The following RGS20 variants were observed in gnomAD, a reference collection of about 807,000 sequenced individuals.
RGS20 encodes regulator of G protein signaling 20.
In RGS20, 30 loss-of-function variants were observed where a neutral mutation model predicts 33.6. The ratio of observed to expected loss-of-function variants is 0.89; its 90% CI spans 0.67 to 1.21. The LOEUF (loss-of-function observed/expected upper bound fraction) is 1.21. Ranked by LOEUF, RGS20 falls within the 50% of genes most tolerant of loss-of-function variation. The pLI, the probability that RGS20 is intolerant of heterozygous loss-of-function variation, is 0.00. For synonymous variants in RGS20, 208 were observed against 197.9 expected, an observed-to-expected ratio of 1.05 and a Z score of -0.43; for missense variants, 472 against 502.4, an observed-to-expected ratio of 0.94 and a Z score of 0.58.
intron 2 of RGS20, among the ~76,000 whole-genome samples, chr8:53,926,436 C>T (rs1813798395): frequency 6.6e-6 from 1 of 152,100 alleles, no homozygotes; most frequent in Non-Finnish European, 1.5e-5. Context: ...CTTTCTGGAA[C>T]AGGAACTTGA....
chr8:53,907,202 A>G (rs1289025440), intron 2 of RGS20, among the ~76,000 whole-genome samples: 1 of 152,180 alleles, frequency 6.6e-6, no homozygotes, highest in Non-Finnish European at 1.5e-5. Flanking sequence ...ATAACAAAGC[A>G]TGCAGATTCC....
Position 53,877,935 on chromosome 8 carries a change from G to A in RGS20, c.166-1323G>A, listed in dbSNP as rs1004303982. Among the ~76,000 whole-genome samples, 3 of 152,192 alleles carry A rather than the reference G, an allele frequency of 2.0e-5. No homozygotes were observed. Among genetic ancestry groups the A allele is most frequent in the Admixed American group, 2.0e-4 (3 of 15,286 alleles). On this transcript the variant is annotated intron_variant, in intron 1 of 5. Coordinates refer to ENST00000297313, the MANE Select transcript of RGS20 (RefSeq NM_170587.4). This position sits in a 1 kb window ranked among gnomAD's most constrained non-coding sequence, Gnocchi z 5.7. ...GCCGAAAGAATACAGGCCGGGCCTG[G>A]TGACTGCGGAGTGAGGGAACCGCGC...
At chr8:53,947,019 T>C (rs1316748227) in intron 4 of RGS20, among the ~76,000 whole-genome samples, 1 of 148,844 alleles carries the variant, frequency 6.7e-6, no homozygotes, top group African/African-American at 2.4e-5. Flanking sequence ...TATGTTATTT[T>C]ATTTTTATAT....
chr8:53,935,473 A>G (rs942128047), intron 2 of RGS20, among the ~76,000 whole-genome samples: 5 of 152,238 alleles, frequency 3.3e-5, no homozygotes, highest in African/African-American at 1.2e-4. Flanking sequence ...AATATTATAA[A>G]CACCTCTACA....
In RGS20 at chr8:53,958,453, G is replaced by T; in HGVS notation, c.1162G>T (p.Ala388Ser). ...GTCCTTATCGGAGAAATCTATTGAA[G>T]CATAGGATTTTTCAAATATATTTAT... The change falls in exon 6 of 6, where the codon GCA (alanine) becomes TCA (serine). Residue 388 changes from alanine (A) to serine (S), a missense_variant. Physicochemically the swap from Ala to Ser is moderately conservative, Grantham distance 99. Transcript: ENST00000297313. The T allele has an allele frequency of 1.4e-6, 2 of 1,460,480 alleles. No homozygotes were observed. The highest frequency in any genetic ancestry group is 3.3e-5 in the South Asian group (2 of 61,252). 90.5% of individuals were successfully genotyped at this position (1,460,480 alleles called of 1,614,324 possible). A position where few individuals can be genotyped will look rare whatever the true frequency, so the allele number is the denominator to read the frequency against.
intron 2 of RGS20, among the ~76,000 whole-genome samples, chr8:53,935,282 C>CCAAAAAATCCTT (rs1449045628): frequency 6.6e-6 from 1 of 150,618 alleles, no homozygotes; most frequent in Non-Finnish European, 1.5e-5. Flanking sequence ...AAGGAGGACA[C>CCAAAAAATCCTT]CAAAAAATCC....
At chr8:53,941,605 C>T (rs949975324) in intron 3 of RGS20, among the ~76,000 whole-genome samples, 2 of 152,118 alleles carry the variant, frequency 1.3e-5, no homozygotes, top group African/African-American at 4.8e-5. Context: ...TTCAGACTTT[C>T]TTAGAAAAAA....
At position 53,913,052 on chromosome 8, in the gene RGS20, G is replaced by A. The variant is rs371133307; in HGVS notation, c.511-26524G>A. On this transcript the variant is annotated intron_variant, in intron 2 of 5. Coordinates refer to ENST00000297313, the MANE Select transcript of RGS20 (RefSeq NM_170587.4). Reference sequence around the variant, plus strand: ...GCAAACTCAGCTCACTGCAAACTCCGACTCCTGGGTTCAAGCAATTCTCCT... The same window carrying A: ...GCAAACTCAGCTCACTGCAAACTCCAACTCCTGGGTTCAAGCAATTCTCCT... Among the ~76,000 whole-genome samples the A allele has an allele frequency of 5.1e-4, 77 of 151,642 alleles. 1 individual carries two copies. Among genetic ancestry groups the A allele is most frequent in the African/African-American group, 1.7e-3 (70 of 41,340 alleles).
intron 1 of RGS20, among the ~76,000 whole-genome samples, chr8:53,862,627 GTC>G (rs1466309103): frequency 6.6e-6 from 1 of 152,154 alleles, no homozygotes; most frequent in East Asian, 1.9e-4. Context: ...GAGAGATCCA[GTC>G]TCCACAAGAA....
intron 2 of RGS20, among the ~76,000 whole-genome samples, chr8:53,889,292 T>A (rs1490471423): frequency 2.0e-5 from 3 of 152,108 alleles, no homozygotes; most frequent in African/African-American, 2.4e-5. Flanking sequence ...TGGCTACTAA[T>A]GATGTTAAGC....
intron 2 of RGS20, among the ~76,000 whole-genome samples, chr8:53,885,634 C>T (rs1018148189): frequency 4.6e-5 from 7 of 151,838 alleles, no homozygotes; most frequent in Admixed American, 4.6e-4. Flanking sequence ...ATGAATTATA[C>T]GGCAGAGACT....
At chr8:53,906,164 C>A (rs779329862) in intron 2 of RGS20, among the ~76,000 whole-genome samples, 2 of 152,044 alleles carry the variant, frequency 1.3e-5, no homozygotes, top group African/African-American at 4.8e-5. Flanking sequence ...GCTTGTAATC[C>A]CAGCATTTTG....
chr8:53,946,334 GT>G (rs1163980793), intron 3 of RGS20, among the ~76,000 whole-genome samples: 1 of 151,994 alleles, frequency 6.6e-6, no homozygotes, highest in Non-Finnish European at 1.5e-5. Context: ...AAGTGCTGGG[GT>G]TACAGGCATG....
intron 2 of RGS20, among the ~76,000 whole-genome samples, chr8:53,908,692 A>G (rs1813251851): frequency 6.6e-6 from 1 of 151,652 alleles, no homozygotes; most frequent in African/African-American, 2.4e-5. Flanking sequence ...GGTCCCAGCT[A>G]CTCAGGAGGC....
At chr8:53,889,996 C>T (rs563566529) in intron 2 of RGS20, among the ~76,000 whole-genome samples, 36 of 152,060 alleles carry the variant, frequency 2.4e-4, no homozygotes, top group East Asian at 3.9e-4. Context: ...TGTGGATTGA[C>T]GTCTTTCATC....
chr8:53,855,975 G>C (rs1811660734), intron 1 of RGS20, among the ~76,000 whole-genome samples: 1 of 152,130 alleles, frequency 6.6e-6, no homozygotes. Flanking sequence ...GAGGTGATTT[G>C]AATCTGGATT....
intron 2 of RGS20, among the ~76,000 whole-genome samples, chr8:53,901,306 G>A (rs572620250): frequency 1.4e-4 from 22 of 152,182 alleles, no homozygotes; most frequent in Non-Finnish European, 2.2e-4. Flanking sequence ...GACCTCAAGT[G>A]ATCCACCCGC....
chr8:53,944,916 A>G (rs1376901667), intron 3 of RGS20, among the ~76,000 whole-genome samples: 2 of 152,234 alleles, frequency 1.3e-5, no homozygotes, highest in Non-Finnish European at 2.9e-5. Context: ...ACAATGAAAT[A>G]CCACTTCTCA....
chr8:53,908,137 T>C (rs934557173), intron 2 of RGS20, among the ~76,000 whole-genome samples: 2 of 152,002 alleles, frequency 1.3e-5, no homozygotes, highest in Non-Finnish European at 2.9e-5. Flanking sequence ...AACAAAAAGA[T>C]GGAAAACGTT....
Sources: allele counts gnomAD v4.1 joint callset (sites outside exome capture counted in the v4.1 genomes callset), GRCh38; gene constraint gnomAD v4.1.1; non-coding constraint Gnocchi (gnomAD v3.1); transcripts MANE v1.5; gene names NCBI Gene and HGNC (gene_info 2026-07-23, HGNC 2026-07-21).